Variants in GATA2 observed in about 807,000 individuals in gnomAD.
GATA2 encodes the protein endothelial transcription factor GATA-2.
GATA2 carries 6 observed loss-of-function variants against 35.7 expected under a neutral mutation model. That is an observed-to-expected ratio of 0.17 (90% confidence interval 0.09 to 0.33). The LOEUF (loss-of-function observed/expected upper bound fraction) is 0.33. Ranked by LOEUF, GATA2 falls within the 10% of genes least tolerant of loss-of-function variation. The pLI is 1.00. For synonymous variants in GATA2, 313 were observed against 274.9 expected, an observed-to-expected ratio of 1.14 and a Z score of -1.37; for missense variants, 541 against 656.6, an observed-to-expected ratio of 0.82 and a Z score of 1.92.
chr3:128,484,203 CG>C lies in GATA2; in HGVS notation c.872-199del, dbSNP rs550708127. 8.5e-5 allele frequency among the ~76,000 whole-genome samples: 13 copies of C among 152,290 alleles called. No individual in the cohort carries two copies. The East Asian group carries it at 2.5e-3, about 29-fold the overall frequency. On this transcript the variant is annotated intron_variant, in intron 3 of 5. Transcript: ENST00000341105. ...ATGGGAGGGGGCACAGGTCCAGAGT[CG>C]TTTAAAGCCAAATCCCCTGCTTCCA... is the stretch of plus-strand genomic sequence containing the variant.
intron 2 of GATA2, 59 bp downstream of exon 2, chr3:128,486,736 GCCCTCCTC>G (rs1275670160): frequency 1.4e-6 from 2 of 1,421,350 alleles, no homozygotes; most frequent in Non-Finnish European, 1.9e-6. Flanking sequence ...AAGCAGACGG[GCCCTCCTC>G]CCCTCCCTCG....
Position 128,487,082 on chromosome 3 carries a change from C to G in GATA2, c.-45-6G>C. 6.8e-7 allele frequency: 1 copy of G among 1,459,970 alleles called. No individual in the cohort carries two copies. Among genetic ancestry groups the G allele is most frequent in the South Asian group, 1.3e-5 (1 of 79,032 alleles). The allele number at this position is 1,459,970 out of a possible 1,614,324, so 90.4% of individuals were successfully genotyped here. On this transcript the variant is annotated splice_region_variant and splice_polypyrimidine_tract_variant and intron_variant, in intron 1 of 5. Transcript: ENST00000341105. ...GGGTGCAGACGGCAACGGCCCTGCG[C>G]GAGGAAGGGGGAGTGAGGCGTGCCG... is the stretch of plus-strand genomic sequence containing the variant.
intron 3 of GATA2, among the ~76,000 whole-genome samples, chr3:128,485,229 TC>T (rs2068679308): frequency 6.6e-6 from 1 of 152,176 alleles, no homozygotes; most frequent in African/African-American, 2.4e-5. Context: ...GCCATCGAAA[TC>T]CCAAGATCAG....
rs570609935 is a variant in GATA2, at chr3:128,480,600, G to A, written c.*419C>T. 283 of 270,680 alleles carry A rather than the reference G, an allele frequency of 1.0e-3. No individual in the cohort carries two copies. Among genetic ancestry groups the A allele is most frequent in the African/African-American group, 5.6e-3 (262 of 46,462 alleles). 16.8% of individuals were successfully genotyped at this position (270,680 alleles called of 1,614,324 possible). A position where few individuals can be genotyped will look rare whatever the true frequency, so the allele number is the denominator to read the frequency against. Reference sequence around the variant, plus strand: ...CCCCAGAGCCCTGGCAAGTGGACCCGCCAATCCCGAGGAAGAACCGGAGGA... The same window carrying A: ...CCCCAGAGCCCTGGCAAGTGGACCCACCAATCCCGAGGAAGAACCGGAGGA... On this transcript the variant is annotated 3_prime_UTR_variant, in exon 6 of 6. Transcript: ENST00000341105.
intron 1 of GATA2, chr3:128,490,190 G>C (rs2068754493): frequency 6.6e-6 from 1 of 152,304 alleles, no homozygotes; most frequent in Admixed American, 6.5e-5. Flanking sequence ...CAGGGTCCCG[G>C]CCACTGCGGT....
In GATA2 at chr3:128,485,881, C is replaced by T. The variant is rs1389747739; in HGVS notation, c.717G>A (p.Gln239=). ...TGGGGATGGGGTGGTGTGTAGCAGG[C>T]TGGGTGCCCATAGTAGCTAGGCCTG... The part of the protein sequence containing the change: ...LRPGLATMGT[Q]PATHHPIPTY... Residue 239 remains glutamine (Q), a synonymous_variant, in exon 3 of 6, where the codon CAG becomes CAA. Coordinates refer to ENST00000341105, the MANE Select transcript of GATA2 (RefSeq NM_032638.5). The T allele has an allele frequency of 6.2e-7, 1 of 1,614,058 alleles. No individual in the cohort carries two copies. The highest frequency in any genetic ancestry group is 1.1e-5 in the South Asian group (1 of 91,082).
At position 128,486,335 on chromosome 3, in the gene GATA2, T is replaced by C; in HGVS notation, c.263A>G (p.His88Arg). The C allele has an allele frequency of 6.2e-7, 1 of 1,601,828 alleles. No individual in the cohort carries two copies. The highest frequency in any genetic ancestry group is 8.5e-7 in the Non-Finnish European group (1 of 1,177,184). Residue 88 changes from histidine to arginine, a missense_variant, in exon 3 of 6, where the codon CAC becomes CGC. This residue lies in a region of GATA2 where 389 missense variants were observed against 396.9 expected (regional missense o/e 0.98). Transcript: ENST00000341105. ...RLTGGQMCRP[H>R]LLHSPGLPWL... ...GGGCAAACCCGGGCTGTGCAACAAG[T>C]GTGGGCGGCACATCTGGCCTCCGGT...
intron 2 of GATA2, 111 bp downstream of exon 2, chr3:128,486,692 A>C (rs2068703969): frequency 8.8e-7 from 1 of 1,135,018 alleles, no homozygotes; most frequent in Non-Finnish European, 1.3e-6. Flanking sequence ...ATTTTTCAGC[A>C]GCTCGATTCC....
intron 1 of GATA2, 101 bp from the exon 2 acceptor site, chr3:128,487,177 C>T (rs2107673935): frequency 1.5e-6 from 1 of 664,984 alleles, no homozygotes; most frequent in Non-Finnish European, 2.5e-6. Context: ...AGCCCAGATC[C>T]GGCGAGAAAG....
In GATA2 at chr3:128,484,192, A is replaced by G. The variant is rs2713602; in HGVS notation, c.872-187T>C. ...GGGTCTCCCACATGGGAGGGGGCAC[A>G]GGTCCAGAGTCGTTTAAAGCCAAAT... is the stretch of plus-strand genomic sequence containing the variant. On this transcript the variant is annotated intron_variant, in intron 3 of 5. Coordinates refer to ENST00000341105, the MANE Select transcript of GATA2 (RefSeq NM_032638.5). Among the ~76,000 whole-genome samples, 94,274 of 152,140 alleles carry G rather than the reference A, an allele frequency of 0.62. 29,563 individuals are homozygous for G. The highest frequency in any genetic ancestry group is 0.71 in the Middle Eastern group (206 of 292).
At chr3:128,486,675 C>G (rs1002922945) in intron 2 of GATA2, 128 bp downstream of exon 2, 3 of 1,034,594 alleles carry the variant, frequency 2.9e-6, no homozygotes, top group East Asian at 2.6e-5. Context: ...CCACCTCTCC[C>G]GCCCCAATTT....
chr3:128,481,259 G>A lies in GATA2; in HGVS notation c.1203C>T (p.Ser401=), dbSNP rs2068624712. ...CTTTCTTGCTCTTCTTGGACTTGTT[G>A]GACATCTTCCGGTTCCGAGTCTGGA... ...EGIQTRNRKM[S]NKSKKSKKGA... Residue 401 remains serine, a synonymous_variant, in exon 6 of 6, where the codon TCC becomes TCT. Transcript: ENST00000341105. The A allele has an allele frequency of 6.2e-7, 1 of 1,614,052 alleles. No homozygotes were observed. The highest frequency in any genetic ancestry group is 1.1e-5 in the South Asian group (1 of 91,084).
chr3:128,490,417 A>AG (rs2068756724), intron 1 of GATA2: 1 of 152,270 alleles, frequency 6.6e-6, no homozygotes, highest in Non-Finnish European at 1.5e-5. Flanking sequence ...TCCGGTGTAG[A>AG]GGAAAAAAAG....
In GATA2 at chr3:128,480,127, CAATT is replaced by C. The variant is rs952102305; in HGVS notation, c.*888_*891del. 31 of 233,214 alleles carry C rather than the reference CAATT, an allele frequency of 1.3e-4. No individual in the cohort carries two copies. Among genetic ancestry groups the C allele is most frequent in the South Asian group, 5.4e-4 (3 of 5,524 alleles). The allele number at this position is 233,214 out of a possible 1,614,324, so 14.4% of individuals were successfully genotyped here. On this transcript the variant is annotated 3_prime_UTR_variant, in exon 6 of 6. Transcript: ENST00000341105. ...ACCCAAAAAGAGTTTAAAAATAAAA[CAATT>C]AACTCATCAGCGAGTTAAGCCTATG...
chr3:128,485,608 G>C (rs1019252160), intron 3 of GATA2, 119 bp downstream of exon 3: 1 of 1,256,402 alleles, frequency 8.0e-7, no homozygotes. Flanking sequence ...ATTAGAGCGA[G>C]ACATCACCCA....
In GATA2 at chr3:128,490,032, C is replaced by G. The variant is rs139075798; in HGVS notation, c.-46+2867G>C. The G allele has an allele frequency of 1.2e-4, 18 of 152,380 alleles. No homozygotes were observed. In the East Asian group the frequency reaches 2.1e-3, roughly 18 times the overall value. The allele number at this position is 152,380 out of a possible 1,614,324, so 9.4% of individuals were successfully genotyped here. ...CCCGGCCGCGATCGGTGCCGCGGCT[C>G]TCAGGGAAGTGGCTACGCGCGTCCC... On this transcript the variant is annotated intron_variant, in intron 1 of 5. Coordinates refer to ENST00000341105, the MANE Select transcript of GATA2 (RefSeq NM_032638.5).
At chr3:128,483,444 T>C (rs898795756) in intron 4 of GATA2, among the ~76,000 whole-genome samples, 11 of 152,248 alleles carry the variant, frequency 7.2e-5, no homozygotes, top group Admixed American at 6.5e-4. Context: ...CAGGTTTTTT[T>C]AGTGGCCGGT....
At chr3:128,485,340 G>A (rs1011875513) in intron 3 of GATA2, among the ~76,000 whole-genome samples, 5 of 152,238 alleles carry the variant, frequency 3.3e-5, no homozygotes, top group East Asian at 3.9e-4. Flanking sequence ...GTATACACAT[G>A]CACACACGCT....
At chr3:128,481,531 G>A (rs1444942729) in intron 5 of GATA2, among the ~76,000 whole-genome samples, 2 of 152,142 alleles carry the variant, frequency 1.3e-5, no homozygotes, top group Non-Finnish European at 2.9e-5. Context: ...CCCTGGCTCT[G>A]CCCACCGCAT....
Sources: allele counts gnomAD v4.1 joint callset (sites outside exome capture counted in the v4.1 genomes callset), GRCh38; gene constraint gnomAD v4.1.1; regional missense constraint gnomAD v4.1.1; transcripts MANE v1.5; gene names NCBI Gene and HGNC (gene_info 2026-07-23, HGNC 2026-07-21).